DAW1: variants seen among roughly 807,000 people sequenced by gnomAD.
DAW1 encodes the protein dynein assembly factor with WD repeats 1.
DAW1 carries 47 observed loss-of-function variants against 56.5 expected under a neutral mutation model. That is an observed-to-expected ratio of 0.83 (90% confidence interval 0.66 to 1.06). The LOEUF (loss-of-function observed/expected upper bound fraction) is 1.06, where lower values mean the gene tolerates loss of function less well. DAW1 is among the 50% of genes least tolerant of loss of function. The pLI is 0.00. For synonymous variants in DAW1, 190 were observed against 179.0 expected (o/e 1.06, Z -0.49); for missense variants, 505 against 499.3 (o/e 1.01, Z -0.11).
chr2:227,875,211 G>C (rs1690852211), intron 1 of DAW1, among the ~76,000 whole-genome samples: 2 of 152,058 alleles, frequency 1.3e-5, no homozygotes, highest in Admixed American at 6.6e-5. Context: ...TGCTAGTCCT[G>C]CCTCCAAAAT....
chr2:227,895,034 T>C (rs1691374297), intron 5 of DAW1, among the ~76,000 whole-genome samples: 1 of 152,104 alleles, frequency 6.6e-6, no homozygotes, highest in African/African-American at 2.4e-5. Flanking sequence ...CTTTGAAAAA[T>C]TGTTTCACAA....
intron 10 of DAW1, among the ~76,000 whole-genome samples, chr2:227,917,021 A>G (rs1691966296): frequency 1.3e-5 from 2 of 151,974 alleles, no homozygotes; most frequent in Non-Finnish European, 2.9e-5. Context: ...TGATAACCAC[A>G]TTTGACCCTA....
intron 6 of DAW1, 41 bp from the exon 7 acceptor site, chr2:227,902,961 A>G (rs1691581561): frequency 6.3e-7 from 1 of 1,587,230 alleles, no homozygotes; most frequent in South Asian, 1.1e-5. Context: ...ACACTTTGAA[A>G]CTCTGTCTTC....
At chr2:227,907,952 T>C (rs1253532679) in intron 10 of DAW1, among the ~76,000 whole-genome samples, 1 of 152,250 alleles carries the variant, frequency 6.6e-6, no homozygotes, top group Non-Finnish European at 1.5e-5. Context: ...GCTGTTCCGC[T>C]ATGTCTACTG....
chr2:227,891,213 A>G, intron 3 of DAW1, 42 bp from the exon 4 acceptor site: 1 of 1,563,430 alleles, frequency 6.4e-7, no homozygotes. Context: ...AACAAATTTA[A>G]TTTGGTTTGA....
chr2:227,917,648 A>T (rs1182233179), intron 10 of DAW1, among the ~76,000 whole-genome samples: 2 of 152,160 alleles, frequency 1.3e-5, no homozygotes, highest in African/African-American at 2.4e-5. Context: ...TGAAGTTTAG[A>T]CATATAGTTT....
rs781107140 is a variant in DAW1 at position 227,893,886 on chromosome 2, G to T, written c.409G>T (p.Val137Phe). ...LNTLEGHRNV[V>F]YAIAFNNPYG... is the part of the protein sequence containing the mutation. Reference sequence around the variant, plus strand: ...CACGCTGGAGGGCCACAGGAATGTGGTTTATGCCATAGCATTCAACAATCC... The same window carrying T: ...CACGCTGGAGGGCCACAGGAATGTGTTTTATGCCATAGCATTCAACAATCC... Residue 137 changes from valine to phenylalanine, a missense_variant, in exon 5 of 13, where the codon GTT (valine) becomes TTT (phenylalanine). Transcript: ENST00000309931. 1.2e-6 allele frequency: 2 copies of T among 1,613,174 alleles called. No homozygotes were observed. The highest frequency in any genetic ancestry group is 1.3e-5 in the African/African-American group (1 of 74,842).
chr2:227,891,173 G>T, intron 3 of DAW1, 82 bp from the exon 4 acceptor site: 1 of 1,265,894 alleles, frequency 7.9e-7, no homozygotes, highest in South Asian at 1.3e-5. Context: ...AGAAAAAATT[G>T]AATGTCTTCA....
In DAW1 at chr2:227,906,343, G is replaced by A. The variant is rs774180828; in HGVS notation, c.858+5G>A. ...TCTATGGACAAAACCTGCAAGGTGA[G>A]CAAAATAAATAAATATCTTTGCTTT... On this transcript the variant is annotated splice_donor_5th_base_variant and intron_variant, in intron 9 of 12. Transcript: ENST00000309931. 20 of 1,597,046 alleles carry A rather than the reference G, an allele frequency of 1.3e-5. No homozygotes were observed. In the South Asian group the frequency reaches 2.2e-4, roughly 18 times the overall value.
intron 11 of DAW1, among the ~76,000 whole-genome samples, chr2:227,920,488 T>C (rs768507117): frequency 2.6e-5 from 4 of 152,074 alleles, no homozygotes; most frequent in African/African-American, 4.8e-5. Context: ...CCTTTGATGG[T>C]CACTCAGATG....
chr2:227,923,896 TGAA>T (rs780132847), intron 12 of DAW1, 35 bp from the exon 13 acceptor site: 38 of 1,610,508 alleles, frequency 2.4e-5, no homozygotes, highest in Non-Finnish European at 3.1e-5. Context: ...GTGAATGAAA[TGAA>T]GAAAAAAATA....
chr2:227,908,374 C>T (rs1250121272), intron 10 of DAW1, among the ~76,000 whole-genome samples: 1 of 152,172 alleles, frequency 6.6e-6, no homozygotes, highest in Non-Finnish European at 1.5e-5. Flanking sequence ...ACTCTGTCCA[C>T]GTCATCTCGT....
intron 10 of DAW1, among the ~76,000 whole-genome samples, chr2:227,911,140 A>G (rs1027524233): frequency 4.0e-5 from 6 of 151,262 alleles, no homozygotes; most frequent in Non-Finnish European, 7.4e-5. Flanking sequence ...GGATGAAACT[A>G]TACTATGCTT....
chr2:227,875,102 C>T (rs1690849567), intron 1 of DAW1, among the ~76,000 whole-genome samples: 3 of 152,208 alleles, frequency 2.0e-5, no homozygotes, highest in African/African-American at 7.2e-5. Context: ...TGGTCTTCCC[C>T]ATCTCAGCAA....
chr2:227,911,801 T>C (rs1229476512), intron 10 of DAW1, among the ~76,000 whole-genome samples: 1 of 152,192 alleles, frequency 6.6e-6, no homozygotes, highest in Non-Finnish European at 1.5e-5. Flanking sequence ...TATGATGCTG[T>C]ATAACGTATG....
intron 11 of DAW1, among the ~76,000 whole-genome samples, 163 bp from the exon 12 acceptor site, chr2:227,921,236 C>G (rs141438979): frequency 1.8e-4 from 26 of 148,182 alleles, no homozygotes; most frequent in African/African-American, 6.2e-4. Context: ...ATATTTTTTT[C>G]CATTATGAAG....
At position 227,903,030 on chromosome 2, in the gene DAW1, CATTGG is replaced by C; in HGVS notation, c.570_574del (p.Leu191GlyfsTer36). 1 of 1,614,160 alleles carries C rather than the reference CATTGG, an allele frequency of 6.2e-7. No homozygotes were observed. The highest frequency in any genetic ancestry group is 2.2e-5 in the East Asian group (1 of 44,882). On this transcript the variant is annotated frameshift_variant, in exon 7 of 13. Transcript: ENST00000309931. LOFTEE classifies it high-confidence loss of function. ...TGTTTATCATTTAACCCTCAAAGCA[CATTGG>C]TGGCGACTGGAAGTATGGACACAAC...
intron 4 of DAW1, 65 bp downstream of exon 4, chr2:227,891,378 G>T: frequency 2.9e-6 from 4 of 1,381,014 alleles, no homozygotes; most frequent in Admixed American, 1.7e-5. Context: ...ATTTATCAAA[G>T]ATTCCAGTTA....
At chr2:227,880,302 A>C (rs1690978721) in intron 1 of DAW1, among the ~76,000 whole-genome samples, 1 of 151,402 alleles carries the variant, frequency 6.6e-6, no homozygotes, top group Non-Finnish European at 1.5e-5. Context: ...AGCATGTGGC[A>C]TACAGCTAGG....
Sources: gnomAD v4.1 joint callset for allele counts (sites outside exome capture counted in the v4.1 genomes callset) on GRCh38, gnomAD v4.1.1 for gene constraint, MANE v1.5 for transcripts, NCBI Gene and HGNC (gene_info 2026-07-23, HGNC 2026-07-21) for gene names.